PHTF2: variants seen among roughly 807,000 people sequenced by gnomAD.
The protein encoded by PHTF2 is protein PHTF2.
Under a neutral mutation model 101.2 loss-of-function variants are expected in PHTF2, and 60 were observed. The observed-to-expected ratio is 0.59, with a 90% CI of 0.48 to 0.73. The LOEUF (loss-of-function observed/expected upper bound fraction) is 0.73. Among genes scored for constraint, PHTF2 ranks in the 30% least tolerant of loss-of-function variants. The pLI, the probability that PHTF2 is intolerant of heterozygous loss-of-function variation, is 0.00. For synonymous variants in PHTF2, 311 were observed against 307.3 expected (o/e 1.01, Z -0.13); for missense variants, 747 against 908.7 (o/e 0.82, Z 2.29).
At chr7:77,834,312 C>CAAAAAAAA (rs34947684) in intron 1 of PHTF2, among the ~76,000 whole-genome samples, 1 of 89,084 alleles carries the variant, frequency 1.1e-5, no homozygotes, top group Non-Finnish European at 2.4e-5. Context: ...GACCTTGTCT[C>CAAAAAAAA]AAAAAAAAAA....
At chr7:77,859,653 T>C (rs1430944550) in intron 3 of PHTF2, among the ~76,000 whole-genome samples, 1 of 150,092 alleles carries the variant, frequency 6.7e-6, no homozygotes, top group East Asian at 2.0e-4. Flanking sequence ...AGCCGCAACC[T>C]CCCAGGCCTA....
chr7:77,803,591 T>G (rs1341663635), intron 1 of PHTF2, among the ~76,000 whole-genome samples: 1 of 152,122 alleles, frequency 6.6e-6, no homozygotes. Context: ...TTTTAAGAAT[T>G]AAATGAGATA....
At chr7:77,925,787 G>A (rs1803939410) in intron 11 of PHTF2, among the ~76,000 whole-genome samples, 2 of 152,036 alleles carry the variant, frequency 1.3e-5, no homozygotes, top group Admixed American at 6.5e-5. Flanking sequence ...GGCCGGGTGC[G>A]GTGCTCATGC....
At chr7:77,942,524 A>G (rs1236507742) in intron 15 of PHTF2, among the ~76,000 whole-genome samples, 176 bp from the exon 15 acceptor site, 1 of 152,232 alleles carries the variant, frequency 6.6e-6, no homozygotes, top group Admixed American at 6.5e-5. Flanking sequence ...ATTCCTCAGG[A>G]AATCATAACA....
At chr7:77,901,457 C>CA (rs1554376957) in intron 6 of PHTF2, among the ~76,000 whole-genome samples, 1 of 150,648 alleles carries the variant, frequency 6.6e-6, no homozygotes, top group Admixed American at 6.6e-5. Context: ...GATCCTATCT[C>CA]AACAAACAAA....
chr7:77,848,670 T>C (rs1247757242), intron 2 of PHTF2, among the ~76,000 whole-genome samples: 57 of 152,290 alleles, frequency 3.7e-4, no homozygotes, highest in Admixed American at 3.7e-3. Context: ...TGTCTCTTTG[T>C]TGATATTTTC....
intron 3 of PHTF2, among the ~76,000 whole-genome samples, chr7:77,874,673 T>C (rs1415943821): frequency 6.6e-6 from 1 of 152,210 alleles, no homozygotes; most frequent in African/African-American, 2.4e-5. Flanking sequence ...AAGGTGTGTC[T>C]GCTTTTCCCA....
At chr7:77,825,792 T>C (rs1015715244) in intron 1 of PHTF2, among the ~76,000 whole-genome samples, 2 of 152,092 alleles carry the variant, frequency 1.3e-5, no homozygotes, top group Non-Finnish European at 2.9e-5. Context: ...GAGCTGAGGA[T>C]AGCAGTTTCT....
At chr7:77,843,237 A>G (rs530692906) in intron 2 of PHTF2, among the ~76,000 whole-genome samples, 26 of 152,308 alleles carry the variant, frequency 1.7e-4, no homozygotes, top group African/African-American at 6.3e-4. Context: ...TTGTGTATGT[A>G]TCATTTAAAG....
intron 15 of PHTF2, 41 bp downstream of exon 14, chr7:77,940,700 C>T: frequency 7.0e-7 from 1 of 1,434,878 alleles, no homozygotes; most frequent in East Asian, 2.4e-5. Flanking sequence ...CATGCTGGCC[C>T]TTTCTGATAG....
chr7:77,936,078 A>G (rs1018204360), intron 12 of PHTF2, among the ~76,000 whole-genome samples: 1 of 152,180 alleles, frequency 6.6e-6, no homozygotes, highest in South Asian at 2.1e-4. Context: ...CATGAAAGTT[A>G]AAGTATATTA....
intron 2 of PHTF2, among the ~76,000 whole-genome samples, chr7:77,854,570 C>G (rs983426324): frequency 2.0e-5 from 3 of 152,146 alleles, no homozygotes; most frequent in Non-Finnish European, 4.4e-5. Context: ...CCCGTACCCC[C>G]CAACCCCAGC....
At chr7:77,930,787 G>A (rs1269905739) in intron 12 of PHTF2, among the ~76,000 whole-genome samples, 1 of 152,144 alleles carries the variant, frequency 6.6e-6, no homozygotes, top group African/African-American at 2.4e-5. Flanking sequence ...GGAAATAAGG[G>A]AGCTCTGGTC....
At chr7:77,800,593 G>A (rs988188710) in intron 1 of PHTF2, among the ~76,000 whole-genome samples, 1 of 152,162 alleles carries the variant, frequency 6.6e-6, no homozygotes, top group African/African-American at 2.4e-5. Flanking sequence ...CTGGACAGTT[G>A]GCCCTAAAAA....
chr7:77,808,418 T>G (rs1793158779), intron 1 of PHTF2, among the ~76,000 whole-genome samples: 1 of 152,246 alleles, frequency 6.6e-6, no homozygotes, highest in Non-Finnish European at 1.5e-5. Context: ...CATTTGTGGG[T>G]CTGATTCTGT....
intron 5 of PHTF2, among the ~76,000 whole-genome samples, chr7:77,899,984 T>G (rs1355304647): frequency 6.8e-6 from 1 of 147,026 alleles, no homozygotes; most frequent in Non-Finnish European, 1.5e-5. Flanking sequence ...GGTTTTTTTT[T>G]CACTAGTTTT....
chr7:77,841,288 C>A (rs1423391589), intron 2 of PHTF2, among the ~76,000 whole-genome samples: 1 of 151,820 alleles, frequency 6.6e-6, no homozygotes, highest in African/African-American at 2.4e-5. Flanking sequence ...CCGTGTTGGT[C>A]AGGCTGATCT....
chr7:77,947,656 A>G (rs1366861762), intron 16 of PHTF2, among the ~76,000 whole-genome samples: 2 of 151,928 alleles, frequency 1.3e-5, no homozygotes, highest in African/African-American at 4.8e-5. Flanking sequence ...CTCCTGGGGG[A>G]ATTGTTGGAA....
At chr7:77,848,452 A>T (rs1181561661) in intron 2 of PHTF2, among the ~76,000 whole-genome samples, 2 of 152,184 alleles carry the variant, frequency 1.3e-5, no homozygotes. Flanking sequence ...CATTTCTCTG[A>T]TGATCCATGA....
Sources: allele counts gnomAD v4.1 joint callset (sites outside exome capture counted in the v4.1 genomes callset), GRCh38; gene constraint gnomAD v4.1.1; transcripts MANE v1.5; gene names NCBI Gene and HGNC (gene_info 2026-07-23, HGNC 2026-07-21).